PTN: variants seen among roughly 807,000 people sequenced by gnomAD.
PTN encodes heparin affin regulatory protein.
A neutral mutation model predicts 24.1 loss-of-function variants in PTN; 18 were observed. The ratio of observed to expected loss-of-function variants is 0.75; its 90% CI spans 0.52 to 1.11. The LOEUF (loss-of-function observed/expected upper bound fraction) is 1.11, where lower values mean the gene tolerates loss of function less well. PTN is among the 50% of genes least tolerant of loss of function. The pLI is 0.00. For missense variants in PTN, 163 were observed against 198.8 expected (o/e 0.82, Z 1.08); for synonymous variants, 78 against 68.6 (o/e 1.14, Z -0.67).
intron 1 of PTN, among the ~76,000 whole-genome samples, chr7:137,336,763 A>C (rs955008565): frequency 6.6e-6 from 1 of 152,170 alleles, no homozygotes; most frequent in African/African-American, 2.4e-5. Context: ...GAGGACTTGC[A>C]TCTGGTGCTG....
rs536827633 is a variant in PTN, at chr7:137,318,941, G to T, written c.-2+24498C>A. ...ACCGTCACCAACACCAAGATTCTTT[G>T]TCTGCTTTCTGGCATTTTAGTGACT... On this transcript the variant is annotated intron_variant, in intron 1 of 4. Transcript: ENST00000348225. 2.6e-5 allele frequency: 4 copies of T among 152,242 alleles called. No homozygotes were observed. In the East Asian group the frequency reaches 7.7e-4, roughly 29 times the overall value. 9.4% of individuals were successfully genotyped at this position (152,242 alleles called of 1,614,324 possible). A position where few individuals can be genotyped will look rare whatever the true frequency, so the allele number is the denominator to read the frequency against.
chr7:137,280,691 T>TAACAA (rs760779128), intron 1 of PTN, among the ~76,000 whole-genome samples: 240 of 14,714 alleles, frequency 0.016, 21 homozygotes, highest in African/African-American at 0.029. Context: ...CCGTCTCTAC[T>TAACAA]AAAAATACAA....
At chr7:137,305,635 T>C (rs1382051245) in intron 1 of PTN, among the ~76,000 whole-genome samples, 2 of 152,056 alleles carry the variant, frequency 1.3e-5, no homozygotes, top group East Asian at 3.9e-4. Flanking sequence ...TGACACTCTC[T>C]GACTATATTT....
rs1809166299 is a variant in PTN, at chr7:137,267,160, CTCTT to C, written c.-1-12190_-1-12187del. On this transcript the variant is annotated intron_variant, in intron 1 of 4. Transcript: ENST00000348225. ...TATATTTCTCTCTCTTGTTCTTTCT[CTCTT>C]TGACTTTCTGTCTCTCTCTCTGACT... Among the ~76,000 whole-genome samples the C allele has an allele frequency of 2.0e-5, 3 of 152,080 alleles. 1 individual carries two copies. In the South Asian group the frequency reaches 6.2e-4, roughly 31 times the overall value.
chr7:137,324,433 A>AAAATATATATAT, intron 1 of PTN, among the ~76,000 whole-genome samples: 1 of 88,804 alleles, frequency 1.1e-5, no homozygotes, highest in African/African-American at 6.9e-5. Flanking sequence ...AAAAAAAAAA[A>AAAATATATATAT]ATATATATAT....
intron 2 of PTN, among the ~76,000 whole-genome samples, chr7:137,253,915 G>A (rs1808872368): frequency 6.6e-6 from 1 of 152,102 alleles, no homozygotes; most frequent in Admixed American, 6.5e-5. Context: ...GTGATTTAGT[G>A]GCATCTCCTT....
chr7:137,246,102 T>C (rs933985647), intron 4 of PTN, among the ~76,000 whole-genome samples: 6 of 152,206 alleles, frequency 3.9e-5, no homozygotes, highest in Admixed American at 3.3e-4. Flanking sequence ...TCACTCACTG[T>C]TCATTCAGTG....
chr7:137,296,960 TACTTGAATGCACA>T (rs1320821473), intron 1 of PTN, among the ~76,000 whole-genome samples: 1 of 152,082 alleles, frequency 6.6e-6, no homozygotes, highest in Admixed American at 6.6e-5. Flanking sequence ...ATTTTATGCT[TACTTGAATGCACA>T]AAAGATTCAA....
chr7:137,238,815 CAT>C (rs1486218703), intron 4 of PTN, among the ~76,000 whole-genome samples: 8 of 152,118 alleles, frequency 5.3e-5, no homozygotes, highest in African/African-American at 1.7e-4. Context: ...CCTGTCATAT[CAT>C]AAATACTCAA....
chr7:137,295,854 A>T (rs1809710567), intron 1 of PTN, among the ~76,000 whole-genome samples: 1 of 152,036 alleles, frequency 6.6e-6, no homozygotes, highest in East Asian at 1.9e-4. Flanking sequence ...TGGAGCAAAC[A>T]GATAAAGAAA....
chr7:137,288,765 T>C (rs542395775), intron 1 of PTN, among the ~76,000 whole-genome samples: 201 of 152,246 alleles, frequency 1.3e-3, no homozygotes, highest in African/African-American at 4.6e-3. Flanking sequence ...TCAAGAAAAC[T>C]AAAGTTATAC....
chr7:137,308,817 C>T (rs949895731), intron 1 of PTN, among the ~76,000 whole-genome samples: 3 of 152,132 alleles, frequency 2.0e-5, no homozygotes, highest in African/African-American at 7.2e-5. Context: ...AGATTTGAAT[C>T]AATCAGATAA....
intron 1 of PTN, among the ~76,000 whole-genome samples, chr7:137,328,361 C>T (rs1810296295): frequency 6.6e-6 from 1 of 152,154 alleles, no homozygotes; most frequent in African/African-American, 2.4e-5. Context: ...AATGACCTAT[C>T]ACTCACAACA....
intron 1 of PTN, among the ~76,000 whole-genome samples, chr7:137,305,552 A>T: frequency 6.6e-6 from 1 of 152,122 alleles, no homozygotes; most frequent in East Asian, 1.9e-4. Context: ...ATAGATTTTT[A>T]AATTATCTCA....
At chr7:137,233,289 G>A (rs1392649573) in intron 4 of PTN, among the ~76,000 whole-genome samples, 1 of 151,916 alleles carries the variant, frequency 6.6e-6, no homozygotes, top group Admixed American at 6.6e-5. Flanking sequence ...CCACTTACCA[G>A]CTCTGTGATC....
At chr7:137,340,333 C>T (rs954371681) in intron 1 of PTN, among the ~76,000 whole-genome samples, 1 of 151,898 alleles carries the variant, frequency 6.6e-6, no homozygotes, top group Non-Finnish European at 1.5e-5. Context: ...TTACTAAATG[C>T]CAAAATAGAA....
intron 1 of PTN, among the ~76,000 whole-genome samples, chr7:137,265,327 G>A (rs1351795778): frequency 6.6e-6 from 1 of 152,124 alleles, no homozygotes; most frequent in African/African-American, 2.4e-5. Context: ...GAAAGGGATA[G>A]CCAATTGGAC....
chr7:137,299,364 C>T (rs1809770118), intron 1 of PTN, among the ~76,000 whole-genome samples: 1 of 151,736 alleles, frequency 6.6e-6, no homozygotes, highest in Non-Finnish European at 1.5e-5. Context: ...TACTATAAGT[C>T]CATTAGGGGA....
At chr7:137,305,241 T>C (rs1169435819) in intron 1 of PTN, among the ~76,000 whole-genome samples, 2 of 152,066 alleles carry the variant, frequency 1.3e-5, no homozygotes, top group Admixed American at 6.6e-5. Context: ...ATGTTCCTCC[T>C]CCACAAGATG....
Sources: allele counts gnomAD v4.1 joint callset (sites outside exome capture counted in the v4.1 genomes callset), GRCh38; gene constraint gnomAD v4.1.1; transcripts MANE v1.5; gene names NCBI Gene and HGNC (gene_info 2026-07-23, HGNC 2026-07-21).